Variants in ENOX1 observed in about 807,000 individuals in gnomAD.
The protein encoded by ENOX1 is candidate growth-related and time keeping constitutive hydroquinone (NADH) oxidase.
ENOX1 carries 42 observed loss-of-function variants against 82.5 expected under a neutral mutation model. The observed-to-expected ratio is 0.51, with a 90% CI of 0.40 to 0.66. The LOEUF is 0.66. Ranked by LOEUF, ENOX1 falls within the 30% of genes least tolerant of loss-of-function variation. The pLI is 0.00. For missense variants in ENOX1, 608 were observed against 811.6 expected, an observed-to-expected ratio of 0.75 and a Z score of 3.05; for synonymous variants, 271 against 282.2, an observed-to-expected ratio of 0.96 and a Z score of 0.40.
At chr13:43,572,818 T>G (rs2080243343) in intron 2 of ENOX1, among the ~76,000 whole-genome samples, 1 of 152,242 alleles carries the variant, frequency 6.6e-6, no homozygotes, top group Non-Finnish European at 1.5e-5. Flanking sequence ...CCTCCTGGCA[T>G]CTATCCCTGC....
chr13:43,634,304 G>A (rs1201627095), intron 2 of ENOX1, among the ~76,000 whole-genome samples: 2 of 152,174 alleles, frequency 1.3e-5, no homozygotes, highest in African/African-American at 2.4e-5. Context: ...CCATCAAAGA[G>A]TACAAGGAAA....
chr13:43,579,402 C>G (rs1410996992), intron 2 of ENOX1, among the ~76,000 whole-genome samples: 1 of 152,214 alleles, frequency 6.6e-6, no homozygotes, highest in Non-Finnish European at 1.5e-5. Flanking sequence ...CCTTTCTACT[C>G]TTGCAGTGCT....
intron 8 of ENOX1, among the ~76,000 whole-genome samples, chr13:43,348,956 C>A (rs2049578890): frequency 6.6e-6 from 1 of 152,168 alleles, no homozygotes; most frequent in Admixed American, 6.5e-5. Flanking sequence ...GAAGCTTGTG[C>A]ATAGTATATA....
intron 13 of ENOX1, among the ~76,000 whole-genome samples, chr13:43,267,837 T>G (rs752799779): frequency 2.0e-5 from 3 of 152,220 alleles, no homozygotes; most frequent in Non-Finnish European, 2.9e-5. Context: ...GTATCTGTGC[T>G]TGTAAAGAGC....
At chr13:43,719,302 TACACACACACACACACACACACACACAC>T (rs3024232) in intron 1 of ENOX1, among the ~76,000 whole-genome samples, 1 of 126,682 alleles carries the variant, frequency 7.9e-6, no homozygotes, top group Non-Finnish European at 1.7e-5. Context: ...TTCATTCAAA[TACACACACACACACACACACACACACAC>T]ACACACACAC....
intron 15 of ENOX1, among the ~76,000 whole-genome samples, chr13:43,232,141 C>T (rs1458864823): frequency 2.8e-5 from 4 of 142,906 alleles, no homozygotes; most frequent in African/African-American, 1.0e-4. Flanking sequence ...ACTATATTGC[C>T]TAGGCTGGTC....
chr13:43,401,409 T>C (rs74704501), intron 5 of ENOX1, among the ~76,000 whole-genome samples: 2,033 of 152,298 alleles, frequency 0.013, 38 homozygotes, highest in African/African-American at 0.046. Flanking sequence ...AAACTTATGA[T>C]AGTCCCAGCC....
At chr13:43,598,775 C>T (rs977769555) in intron 2 of ENOX1, among the ~76,000 whole-genome samples, 3 of 148,028 alleles carry the variant, frequency 2.0e-5, no homozygotes, top group Non-Finnish European at 4.5e-5. Context: ...AAGAAGACCC[C>T]TTTAAAAACA....
intron 3 of ENOX1, among the ~76,000 whole-genome samples, chr13:43,419,967 T>C (rs549171123): frequency 2.0e-5 from 3 of 152,268 alleles, no homozygotes; most frequent in Admixed American, 6.5e-5. Flanking sequence ...TGAAACTCCA[T>C]CTCAAAAAGA....
chr13:43,313,497 C>T (rs2047322674), intron 11 of ENOX1, among the ~76,000 whole-genome samples: 2 of 152,018 alleles, frequency 1.3e-5, no homozygotes, highest in African/African-American at 4.8e-5. Flanking sequence ...TGGATTTTTT[C>T]ATAGATTCTC....
At chr13:43,358,792 T>C (rs1274041809) in intron 7 of ENOX1, among the ~76,000 whole-genome samples, 11 of 152,328 alleles carry the variant, frequency 7.2e-5, no homozygotes, top group Admixed American at 6.5e-5. Flanking sequence ...AGAACCCCCG[T>C]TGTCTAACAG....
chr13:43,498,772 A>G (rs1420912012), intron 2 of ENOX1, among the ~76,000 whole-genome samples: 4 of 152,078 alleles, frequency 2.6e-5, no homozygotes, highest in Non-Finnish European at 5.9e-5. Context: ...AAATGACTCA[A>G]AGTAGTATCC....
intron 2 of ENOX1, among the ~76,000 whole-genome samples, chr13:43,607,055 C>T (rs9533550): frequency 0.43 from 64,693 of 151,808 alleles, 16,317 homozygotes; most frequent in East Asian, 0.8. Context: ...AGAGTGACTA[C>T]AGTCAACAAT....
intron 2 of ENOX1, among the ~76,000 whole-genome samples, chr13:43,609,375 T>A (rs895301025): frequency 3.3e-5 from 5 of 152,226 alleles, no homozygotes; most frequent in African/African-American, 4.8e-5. Flanking sequence ...CCAGTGGTTA[T>A]AATTTAATAA....
intron 2 of ENOX1, among the ~76,000 whole-genome samples, chr13:43,610,534 T>C (rs34092542): frequency 0.063 from 9,589 of 152,310 alleles, 417 homozygotes; most frequent in East Asian, 0.18. Context: ...TTATGCTTAG[T>C]TAACGAACAG....
chr13:43,771,755 T>C (rs1386044987), intron 1 of ENOX1, among the ~76,000 whole-genome samples: 1 of 151,916 alleles, frequency 6.6e-6, no homozygotes, highest in African/African-American at 2.4e-5. Context: ...ATCAGTTCAT[T>C]GGTGTGATAT....
intron 1 of ENOX1, among the ~76,000 whole-genome samples, chr13:43,669,787 C>T (rs1048851709): frequency 6.6e-6 from 1 of 152,110 alleles, no homozygotes; most frequent in African/African-American, 2.4e-5. Flanking sequence ...CTCGGATTCT[C>T]CTAACCCACT....
chr13:43,325,539 A>T (rs1185432396), intron 10 of ENOX1, among the ~76,000 whole-genome samples: 1 of 152,230 alleles, frequency 6.6e-6, no homozygotes, highest in Non-Finnish European at 1.5e-5. Flanking sequence ...AACTCTATAT[A>T]AAATACTTAT....
chr13:43,483,402 C>T (rs2058580598), intron 3 of ENOX1, among the ~76,000 whole-genome samples: 1 of 152,084 alleles, frequency 6.6e-6, no homozygotes, highest in African/African-American at 2.4e-5. Flanking sequence ...TACTAGCAAG[C>T]TTTTTCCTTG....
Sources: gnomAD v4.1 joint callset for allele counts (sites outside exome capture counted in the v4.1 genomes callset) on GRCh38, gnomAD v4.1.1 for gene constraint, MANE v1.5 for transcripts, NCBI Gene and HGNC (gene_info 2026-07-23, HGNC 2026-07-21) for gene names.